Variants in MICAL2 observed in about 807,000 individuals in gnomAD.
The protein encoded by MICAL2 is [F-actin]-monooxygenase MICAL2.
In MICAL2, 77 loss-of-function variants were observed where a neutral mutation model predicts 127.3. That is an observed-to-expected ratio of 0.60 (90% CI 0.50 to 0.73). The LOEUF (loss-of-function observed/expected upper bound fraction) is 0.73. MICAL2 is among the 30% of genes least tolerant of loss of function. The pLI is 0.00. For synonymous variants in MICAL2, 570 were observed against 551.1 expected (o/e 1.03, Z -0.48); for missense variants, 1,351 against 1,434.4 (o/e 0.94, Z 0.94).
At chr11:12,241,192 G>C (rs1216406772) in intron 18 of MICAL2, 30 bp downstream of exon 18, 2 of 1,604,176 alleles carry the variant, frequency 1.2e-6, no homozygotes, top group South Asian at 2.2e-5. Context: ...ATGCTGTTTT[G>C]GTGAAGCCAG....
intron 22 of MICAL2, 59 bp from the exon 23 acceptor site, chr11:12,255,584 C>T (rs1862213977): frequency 1.3e-6 from 2 of 1,484,380 alleles, no homozygotes; most frequent in Non-Finnish European, 1.9e-6. Flanking sequence ...TGTTTTCCTC[C>T]TGGGTGCTAA....
chr11:12,140,907 G>A (rs1852288240), intron 2 of MICAL2, among the ~76,000 whole-genome samples: 2 of 152,182 alleles, frequency 1.3e-5, no homozygotes, highest in South Asian at 4.1e-4. Flanking sequence ...GAGGAAGAAG[G>A]ACAGGTGTGT....
intron 2 of MICAL2, among the ~76,000 whole-genome samples, chr11:12,151,821 G>A (rs565358394): frequency 1.3e-5 from 2 of 152,292 alleles, no homozygotes; most frequent in East Asian, 1.9e-4. Flanking sequence ...AAGGGTCCAG[G>A]AGGAAGGAGC....
At chr11:12,352,737 G>A (rs1939072204) in intron 33 of MICAL2, among the ~76,000 whole-genome samples, 1 of 152,182 alleles carries the variant, frequency 6.6e-6, no homozygotes, top group African/African-American at 2.4e-5. Context: ...GGGAGAAGGA[G>A]CAGGAGGAAG....
chr11:12,160,324 C>T (rs1854634616), intron 2 of MICAL2, among the ~76,000 whole-genome samples: 1 of 152,154 alleles, frequency 6.6e-6, no homozygotes, highest in African/African-American at 2.4e-5. Context: ...CCCTTAGCTG[C>T]CTCCTTGCCT....
chr11:12,196,487 G>A (rs573357131), intron 3 of MICAL2, among the ~76,000 whole-genome samples: 134 of 152,234 alleles, frequency 8.8e-4, no homozygotes, highest in African/African-American at 3.1e-3. Flanking sequence ...TAAGGGAAGG[G>A]TATAAAGGCT....
chr11:12,147,291 C>T (rs1294373510), intron 2 of MICAL2, among the ~76,000 whole-genome samples: 2 of 152,080 alleles, frequency 1.3e-5, no homozygotes, highest in Non-Finnish European at 1.5e-5. Context: ...GAAGCAGTTC[C>T]ATCCCTCCTG....
At chr11:12,179,786 C>G (rs1418173613) in intron 3 of MICAL2, among the ~76,000 whole-genome samples, 1 of 152,230 alleles carries the variant, frequency 6.6e-6, no homozygotes, top group Non-Finnish European at 1.5e-5. Context: ...GTGTTGTTAC[C>G]AAGTTATGAT....
chr11:12,349,912 C>T lies in MICAL2; in HGVS notation c.5590C>T (p.Arg1864Ter), dbSNP rs750306542. 1.7e-5 allele frequency: 27 copies of T among 1,613,754 alleles called. No homozygotes were observed. The highest frequency in any genetic ancestry group is 4.4e-5 in the South Asian group (4 of 91,068). ...GGTTCTGGAGAAGAATAAATTAATGCGATATGAGTCGGAGCTCCTAATCAT... is the reference window on the plus strand; with the variant it reads ...GGTTCTGGAGAAGAATAAATTAATGTGATATGAGTCGGAGCTCCTAATCAT... The change falls in exon 33 of 35, where the codon CGA becomes TGA. Residue 1864 changes from arginine to a stop codon, truncating the protein, a stop_gained. Coordinates refer to the MICAL2 transcript ENST00000646065. LOFTEE classifies it high-confidence loss of function.
intron 7 of MICAL2, 104 bp downstream of exon 7, chr11:12,213,514 G>A: frequency 8.6e-7 from 1 of 1,156,922 alleles, no homozygotes; most frequent in Non-Finnish European, 1.2e-6. Context: ...GGCCTCGAGG[G>A]ACTCACTCTG....
At chr11:12,323,850 C>G in intron 30 of MICAL2, 2 of 1,053,602 alleles carry the variant, frequency 1.9e-6, no homozygotes, top group Non-Finnish European at 2.7e-6. Context: ...TACCAGATGT[C>G]GTTATTTTAG....
At chr11:12,130,805 G>A (rs1435125344) in intron 1 of MICAL2, among the ~76,000 whole-genome samples, 1 of 151,834 alleles carries the variant, frequency 6.6e-6, no homozygotes, top group Non-Finnish European at 1.5e-5. Flanking sequence ...CTAGAATTAA[G>A]GCCTGGCAGG....
At chr11:12,150,983 G>C (rs1475508164) in intron 2 of MICAL2, among the ~76,000 whole-genome samples, 1 of 152,154 alleles carries the variant, frequency 6.6e-6, no homozygotes, top group Non-Finnish European at 1.5e-5. Context: ...TCAGCGCTGT[G>C]AGAGGCCCCT....
At chr11:12,274,245 G>C (rs1863701894), upstream of MICAL2, 1 of 152,114 alleles carries the variant, frequency 6.6e-6, no homozygotes, top group Non-Finnish European at 1.5e-5. Context: ...CCCTGGAGAT[G>C]AGGTCACCTA....
intron 15 of MICAL2, among the ~76,000 whole-genome samples, chr11:12,235,008 A>G (rs1410269123): frequency 2.0e-5 from 3 of 152,162 alleles, no homozygotes; most frequent in Non-Finnish European, 4.4e-5. Context: ...GAGAGGGTAG[A>G]TGGCTCCCTG....
At chr11:12,323,788 T>C (rs1347527277) in intron 30 of MICAL2, among the ~76,000 whole-genome samples, 1 of 152,214 alleles carries the variant, frequency 6.6e-6, no homozygotes, top group Non-Finnish European at 1.5e-5. Flanking sequence ...TTGTGGCTTC[T>C]GTATTTCAGA....
intron 15 of MICAL2, among the ~76,000 whole-genome samples, chr11:12,228,276 G>A (rs1857736563): frequency 6.6e-6 from 1 of 152,168 alleles, no homozygotes; most frequent in South Asian, 2.1e-4. Context: ...GTTGCAGTGA[G>A]CCGAGATTGC....
intron 2 of MICAL2, among the ~76,000 whole-genome samples, chr11:12,155,365 A>C (rs1565053992): frequency 1.3e-5 from 2 of 152,236 alleles, no homozygotes. Context: ...CTACATATAC[A>C]TGTGTATTTG....
At chr11:12,289,307 G>A (rs1354818614), downstream of MICAL2, among the ~76,000 whole-genome samples, 1 of 152,210 alleles carries the variant, frequency 6.6e-6, no homozygotes, top group African/African-American at 2.4e-5. Flanking sequence ...CCCCCGGTGG[G>A]CCATACCAAG....
Sources: allele counts gnomAD v4.1 joint callset (sites outside exome capture counted in the v4.1 genomes callset), GRCh38; gene constraint gnomAD v4.1.1; transcripts MANE v1.5; gene names NCBI Gene and HGNC (gene_info 2026-07-23, HGNC 2026-07-21).